The following BMPR2 variants were observed in gnomAD, a reference collection of about 807,000 sequenced individuals.
BMPR2 encodes the protein bone morphogenetic protein receptor type-2.
Under a neutral mutation model 100.8 loss-of-function variants are expected in BMPR2, and 29 were observed. That is an observed-to-expected ratio of 0.29 (90% CI 0.21 to 0.39). BMPR2 has a LOEUF of 0.39. Among genes scored for constraint, BMPR2 ranks in the 10% least tolerant of loss-of-function variants. The pLI is 1.00. For synonymous variants in BMPR2, 382 were observed against 442.3 expected (o/e 0.86, Z 1.71); for missense variants, 1,011 against 1,274.5 (o/e 0.79, Z 3.15).
chr2:202,520,699 A>C (rs952019909), intron 7 of BMPR2: 1 of 158,680 alleles, frequency 6.3e-6, no homozygotes, highest in Non-Finnish European at 1.4e-5. Context: ...TGTTTGATAG[A>C]ATCCCCCTGC....
chr2:202,545,212 C>T (rs13432924), intron 10 of BMPR2, among the ~76,000 whole-genome samples: 81 of 45,404 alleles, frequency 1.8e-3, no homozygotes, highest in Middle Eastern at 0.02. Flanking sequence ...TCCCGTCCCC[C>T]TCCCCTCCCC....
At chr2:202,478,853 GA>G (rs1330298159) in intron 3 of BMPR2, among the ~76,000 whole-genome samples, 1 of 152,174 alleles carries the variant, frequency 6.6e-6, no homozygotes, top group Admixed American at 6.5e-5. Context: ...CTGAGCCCAG[GA>G]AGTCGAGGCT....
intron 1 of BMPR2, among the ~76,000 whole-genome samples, chr2:202,460,722 G>A (rs1247637273): frequency 6.6e-6 from 1 of 150,928 alleles, no homozygotes; most frequent in Non-Finnish European, 1.5e-5. Context: ...ATGGATCCAT[G>A]TCATCATTTC....
chr2:202,517,957 C>T (rs566812963), intron 5 of BMPR2, among the ~76,000 whole-genome samples: 28 of 145,226 alleles, frequency 1.9e-4, no homozygotes, highest in Admixed American at 1.2e-3. Flanking sequence ...GGACTACAGG[C>T]GCCCACCACC....
At chr2:202,393,766 C>G (rs1402075967) in intron 1 of BMPR2, among the ~76,000 whole-genome samples, 1 of 151,912 alleles carries the variant, frequency 6.6e-6, no homozygotes, top group African/African-American at 2.4e-5. Context: ...CATTTATCAC[C>G]TGTAAGTTAG....
At chr2:202,543,319 G>T (rs909027031) in intron 10 of BMPR2, among the ~76,000 whole-genome samples, 1 of 143,084 alleles carries the variant, frequency 7.0e-6, no homozygotes, top group African/African-American at 2.8e-5. Flanking sequence ...TGCCATTTGA[G>T]TAAGTTGTTG....
chr2:202,442,175 C>G (rs1394138666), intron 1 of BMPR2, among the ~76,000 whole-genome samples: 2 of 150,558 alleles, frequency 1.3e-5, no homozygotes, highest in African/African-American at 5.0e-5. Context: ...CCTCAAATTT[C>G]AGTGATCTTT....
intron 1 of BMPR2, among the ~76,000 whole-genome samples, chr2:202,399,540 A>G (rs1690719681): frequency 6.6e-6 from 1 of 152,216 alleles, no homozygotes; most frequent in Non-Finnish European, 1.5e-5. Context: ...TATTTTGAGA[A>G]AATAAGAAAT....
At chr2:202,403,958 T>C (rs1690825050) in intron 1 of BMPR2, among the ~76,000 whole-genome samples, 1 of 151,400 alleles carries the variant, frequency 6.6e-6, no homozygotes, top group African/African-American at 2.4e-5. Context: ...TGAGCCGAGA[T>C]TGTGCTATTG....
intron 3 of BMPR2, among the ~76,000 whole-genome samples, chr2:202,501,680 T>C (rs1019537961): frequency 6.6e-6 from 1 of 152,236 alleles, no homozygotes; most frequent in African/African-American, 2.4e-5. Context: ...TCTCACTGTC[T>C]GGATTACTCA....
At chr2:202,378,111 T>G (rs951454366) in intron 1 of BMPR2, among the ~76,000 whole-genome samples, 4 of 152,242 alleles carry the variant, frequency 2.6e-5, no homozygotes, top group Non-Finnish European at 2.9e-5. Flanking sequence ...CTTGATATAT[T>G]GTATTATACG....
chr2:202,498,240 C>T (rs1026204349), intron 3 of BMPR2, among the ~76,000 whole-genome samples: 2 of 152,126 alleles, frequency 1.3e-5, no homozygotes, highest in African/African-American at 4.8e-5. Flanking sequence ...GTCGGTCCTC[C>T]TTGTGGTCTA....
At chr2:202,458,479 T>A (rs1692166243) in intron 1 of BMPR2, among the ~76,000 whole-genome samples, 1 of 150,632 alleles carries the variant, frequency 6.6e-6, no homozygotes, top group Non-Finnish European at 1.5e-5. Context: ...CAAAAAAAAT[T>A]TTTTTTTTTA....
intron 5 of BMPR2, among the ~76,000 whole-genome samples, chr2:202,515,206 A>C (rs1026177929): frequency 2.0e-5 from 3 of 152,166 alleles, no homozygotes; most frequent in African/African-American, 7.2e-5. Flanking sequence ...AATGTATAAT[A>C]TAATTGCAAG....
intron 1 of BMPR2, among the ~76,000 whole-genome samples, chr2:202,396,463 A>G (rs115588066): frequency 2.4e-3 from 368 of 152,306 alleles, no homozygotes; most frequent in African/African-American, 8.2e-3. Flanking sequence ...TAAGAGCTCA[A>G]TGATACTGTT....
At chr2:202,417,768 G>A (rs1691166309) in intron 1 of BMPR2, among the ~76,000 whole-genome samples, 1 of 151,128 alleles carries the variant, frequency 6.6e-6, no homozygotes. Context: ...ACCCAGGCTG[G>A]AGTGCAGTGC....
At chr2:202,489,737 A>T (rs1360409334) in intron 3 of BMPR2, among the ~76,000 whole-genome samples, 4 of 152,218 alleles carry the variant, frequency 2.6e-5, no homozygotes, top group Non-Finnish European at 5.9e-5. Context: ...CTTTGTTTGG[A>T]TAAAATTTTG....
At chr2:202,451,737 GTTTTGTT>G (rs1691989996) in intron 1 of BMPR2, among the ~76,000 whole-genome samples, 1 of 151,946 alleles carries the variant, frequency 6.6e-6, no homozygotes, top group Non-Finnish European at 1.5e-5. Context: ...ATGAGTTTTT[GTTTTGTT>G]TTTTGTTGTT....
Position 202,556,044 on chromosome 2 carries a change from A to C in BMPR2, c.2379A>C (p.Thr793=), listed in dbSNP as rs3731697. ...AAACTGGAGTTGCCAAGATGAATAC[A>C]ATCAATGCAGCAGAACCTCATGTGG... ...QVETGVAKMN[T]INAAEPHVVT... Residue 793 remains threonine (T), a synonymous_variant, in exon 12 of 13, where the codon ACA becomes ACC. Transcript: ENST00000374580. The C allele has an allele frequency of 3.1e-4, 493 of 1,614,202 alleles. 6 individuals carry two copies. The East Asian group carries it at 0.011, about 35-fold the overall frequency.
Sources: gnomAD v4.1 joint callset for allele counts (sites outside exome capture counted in the v4.1 genomes callset) on GRCh38, gnomAD v4.1.1 for gene constraint, MANE v1.5 for transcripts, NCBI Gene and HGNC (gene_info 2026-07-23, HGNC 2026-07-21) for gene names.